ITPR2: variants seen among roughly 807,000 people sequenced by gnomAD.
ITPR2 encodes the protein inositol 1,4,5-trisphosphate receptor type 2.
In ITPR2, 207 loss-of-function variants were observed where a neutral mutation model predicts 317.1. The observed-to-expected ratio is 0.65, with a 90% CI of 0.58 to 0.73. The LOEUF is 0.73. Among genes scored for constraint, ITPR2 ranks in the 30% least tolerant of loss-of-function variants. The pLI is 0.00. For synonymous variants in ITPR2, 1,156 were observed against 1,149.1 expected (o/e 1.01, Z -0.12); for missense variants, 2,613 against 3,284.0 (o/e 0.80, Z 4.99).
Position 26,771,493 on chromosome 12 carries a change from TTTG to T in ITPR2, c.163+18661_163+18663del, listed in dbSNP as rs1242832604. On this transcript the variant is annotated intron_variant, in intron 2 of 56. Coordinates refer to ENST00000381340, the MANE Select transcript of ITPR2 (RefSeq NM_002223.4). ...AGAAGTCATTGTGGGTTGTTTGTTT[TTTG>T]TTGTTGTTATTATTATTGTTTTTGT... 4.6e-5 allele frequency among the ~76,000 whole-genome samples: 7 copies of T among 152,244 alleles called. No individual in the cohort carries two copies. The South Asian group carries it at 8.3e-4, about 18-fold the overall frequency.
rs77880138 is a variant in ITPR2, at chr12:26,827,517, C to T, written c.92+5173G>A. 1.8e-4 allele frequency among the ~76,000 whole-genome samples: 27 copies of T among 152,252 alleles called. No homozygotes were observed. In the East Asian group the frequency reaches 3.9e-3, roughly 22 times the overall value. ...GTCAGAGGGGCCTCCAAGAGAGGTC[C>T]GGTAAACTCAAATATAGTGAAACTC... On this transcript the variant is annotated intron_variant, in intron 1 of 56. Coordinates refer to ENST00000381340, the MANE Select transcript of ITPR2 (RefSeq NM_002223.4).
At chr12:26,553,524 C>T (rs912898283) in intron 36 of ITPR2, among the ~76,000 whole-genome samples, 1 of 151,050 alleles carries the variant, frequency 6.6e-6, no homozygotes, top group East Asian at 2.0e-4. Context: ...TGGTAGCTCA[C>T]GCCTGTAATC....
At chr12:26,736,464 T>C (rs568620153) in intron 2 of ITPR2, among the ~76,000 whole-genome samples, 1 of 152,306 alleles carries the variant, frequency 6.6e-6, no homozygotes, top group East Asian at 1.9e-4. Flanking sequence ...AAAAGTCAAC[T>C]ACTTTGGTAC....
At chr12:26,670,094 T>G (rs552276685) in intron 13 of ITPR2, among the ~76,000 whole-genome samples, 1 of 152,348 alleles carries the variant, frequency 6.6e-6, no homozygotes. Context: ...CCTGCCTGCC[T>G]CTGTAGGCTC....
At chr12:26,351,386 C>T (rs905930265) in intron 55 of ITPR2, among the ~76,000 whole-genome samples, 50 of 152,222 alleles carry the variant, frequency 3.3e-4, no homozygotes, top group Non-Finnish European at 5.1e-4. Flanking sequence ...GAGCAAGGGG[C>T]CTGCCCAGCA....
intron 52 of ITPR2, among the ~76,000 whole-genome samples, chr12:26,406,921 C>T (rs1438158515): frequency 2.0e-5 from 3 of 152,082 alleles, no homozygotes; most frequent in Non-Finnish European, 2.9e-5. Flanking sequence ...TACAGGCATT[C>T]CTGTATTTTT....
intron 52 of ITPR2, among the ~76,000 whole-genome samples, chr12:26,408,370 T>C (rs972758164): frequency 6.6e-6 from 1 of 152,234 alleles, no homozygotes; most frequent in Admixed American, 6.5e-5. Flanking sequence ...ATATTTACTT[T>C]TTAAATTTTA....
At position 26,599,971 on chromosome 12, in the gene ITPR2, C is replaced by T. The variant is rs750236377; in HGVS notation, c.3801+16G>A. 3.8e-6 allele frequency: 6 copies of T among 1,576,798 alleles called. No homozygotes were observed. In the South Asian group the frequency reaches 5.6e-5, roughly 15 times the overall value. On this transcript the variant is annotated intron_variant, in intron 29 of 56. Coordinates refer to ENST00000381340, the MANE Select transcript of ITPR2 (RefSeq NM_002223.4). ...CACACTTTACTAGAAATACTAGAAG[C>T]CACTAAAATACTTACACCTGGAGTT...
chr12:26,481,376 G>T, intron 42 of ITPR2, 135 bp from the exon 43 acceptor site: 1 of 581,154 alleles, frequency 1.7e-6, no homozygotes, highest in Admixed American at 3.0e-5. Context: ...TTGAGCATTT[G>T]ACTTATTCTT....
rs945328419 is a variant in ITPR2, at chr12:26,421,662, T to C, written c.6946-2449A>G. Among the ~76,000 whole-genome samples the C allele has an allele frequency of 5.1e-5, 6 of 117,676 alleles. No homozygotes were observed. In the East Asian group the frequency reaches 2.9e-3, roughly 56 times the overall value. 77.2% of individuals were successfully genotyped at this position (117,676 alleles called of 152,430 possible). On this transcript the variant is annotated intron_variant, in intron 49 of 56. Coordinates refer to ENST00000381340, the MANE Select transcript of ITPR2 (RefSeq NM_002223.4). ...AGTCCTTCATTTGTCAGTGCCATTA[T>C]AGCAAGGGTCCATGTGGGTGACAAA...
In ITPR2 at chr12:26,654,018, T is replaced by C. The variant is rs770238329; in HGVS notation, c.2698A>G (p.Met900Val). The stretch of plus-strand genomic sequence containing the variant: ...CTTAATCTTTCAAAGTATGATGACA[T>C]GGGGGCCTGTACAATGTCTAAAATA... ...LAILDIVQAP[M>V]SSYFERLSKF... is the part of the protein sequence containing the mutation. Residue 900 changes from methionine to valine, a missense_variant, in exon 21 of 57, where the codon ATG becomes GTG. This residue lies in a region of ITPR2 where 817 missense variants were observed against 897.6 expected (regional missense o/e 0.91). Coordinates refer to ENST00000381340, the MANE Select transcript of ITPR2 (RefSeq NM_002223.4). 2 of 1,609,850 alleles carry C rather than the reference T, an allele frequency of 1.2e-6. No individual in the cohort carries two copies. The highest frequency in any genetic ancestry group is 1.3e-5 in the African/African-American group (1 of 74,842).
At chr12:26,340,373 G>T (rs767801653) in intron 55 of ITPR2, 45 bp from the exon 56 acceptor site, 1 of 1,532,020 alleles carries the variant, frequency 6.5e-7, no homozygotes, top group Non-Finnish European at 8.8e-7. Flanking sequence ...AAGTATGGAA[G>T]GGGAGAATGT....
intron 21 of ITPR2, among the ~76,000 whole-genome samples, chr12:26,649,960 A>G (rs1947207868): frequency 6.6e-6 from 1 of 152,212 alleles, no homozygotes; most frequent in South Asian, 2.1e-4. Flanking sequence ...CCCTGTGGCT[A>G]ACAACTTTGT....
chr12:26,549,301 A>G (rs1026075153), intron 37 of ITPR2, among the ~76,000 whole-genome samples: 1 of 152,216 alleles, frequency 6.6e-6, no homozygotes, highest in African/African-American at 2.4e-5. Context: ...CATTTTGATT[A>G]CTGAAACAAA....
At chr12:26,669,261 T>C (rs745585062) in intron 13 of ITPR2, among the ~76,000 whole-genome samples, 1 of 151,788 alleles carries the variant, frequency 6.6e-6, no homozygotes, top group Non-Finnish European at 1.5e-5. Context: ...AAGAGAACTA[T>C]TAAAAGGCAA....
intron 2 of ITPR2, among the ~76,000 whole-genome samples, chr12:26,772,913 C>G (rs1452173994): frequency 6.6e-6 from 1 of 152,002 alleles, no homozygotes; most frequent in East Asian, 1.9e-4. Context: ...TTGTCCTCCA[C>G]CCATCGAGAG....
intron 9 of ITPR2, among the ~76,000 whole-genome samples, chr12:26,699,972 A>G (rs557824805): frequency 3.3e-5 from 5 of 152,242 alleles, no homozygotes; most frequent in African/African-American, 1.2e-4. Flanking sequence ...TCAATCATTT[A>G]TTCAATAAAT....
intron 2 of ITPR2, among the ~76,000 whole-genome samples, chr12:26,733,704 T>C (rs1949066205): frequency 6.6e-6 from 1 of 152,208 alleles, no homozygotes; most frequent in Non-Finnish European, 1.5e-5. Flanking sequence ...TTAATGCTAA[T>C]TTGTATTCTT....
At chr12:26,501,491 A>C (rs1388897669) in intron 37 of ITPR2, among the ~76,000 whole-genome samples, 1 of 152,154 alleles carries the variant, frequency 6.6e-6, no homozygotes, top group African/African-American at 2.4e-5. Flanking sequence ...GTTGTAAGTC[A>C]ATTTCTCTCC....
Sources: gnomAD v4.1 joint callset for allele counts (sites outside exome capture counted in the v4.1 genomes callset) on GRCh38, gnomAD v4.1.1 for gene constraint, gnomAD v4.1.1 regional missense constraint, MANE v1.5 for transcripts, NCBI Gene and HGNC (gene_info 2026-07-23, HGNC 2026-07-21) for gene names.